ARHGAP15: variants seen among roughly 807,000 people sequenced by gnomAD.
The protein encoded by ARHGAP15 is Rho GTPase activating protein 15, also known as rho GTPase-activating protein 15.
In ARHGAP15, 51 loss-of-function variants were observed where a neutral mutation model predicts 63.7. That is an observed-to-expected ratio of 0.80 (90% CI 0.64 to 1.01). The LOEUF (loss-of-function observed/expected upper bound fraction) is 1.01. Ranked by LOEUF, ARHGAP15 falls within the 50% of genes least tolerant of loss-of-function variation. ARHGAP15 has a pLI of 0.00. For synonymous variants in ARHGAP15, 191 were observed against 193.8 expected (o/e 0.99, Z 0.12); for missense variants, 560 against 564.6 (o/e 0.99, Z 0.08).
At chr2:143,673,610 A>G (rs1465994465) in intron 12 of ARHGAP15, among the ~76,000 whole-genome samples, 3 of 150,890 alleles carry the variant, frequency 2.0e-5, no homozygotes, top group Non-Finnish European at 3.0e-5. Context: ...CCACAATCTT[A>G]ATGTAAAAAT....
chr2:143,172,573 A>G (rs1047060498), intron 2 of ARHGAP15, among the ~76,000 whole-genome samples: 2 of 152,086 alleles, frequency 1.3e-5, no homozygotes, highest in Admixed American at 1.3e-4. Context: ...ATTAAAGGAC[A>G]TTGTCAATAT....
intron 11 of ARHGAP15, among the ~76,000 whole-genome samples, chr2:143,573,761 G>A (rs1365253098): frequency 1.3e-5 from 2 of 152,092 alleles, no homozygotes; most frequent in African/African-American, 4.8e-5. Flanking sequence ...AGTATACCTA[G>A]TATAGTGGGT....
intron 6 of ARHGAP15, among the ~76,000 whole-genome samples, chr2:143,349,905 G>C (rs1372489937): frequency 6.6e-6 from 1 of 152,074 alleles, no homozygotes; most frequent in Non-Finnish European, 1.5e-5. Flanking sequence ...TGGATGATAA[G>C]ATATTAAGAT....
chr2:143,369,260 T>C (rs149616593), intron 6 of ARHGAP15, among the ~76,000 whole-genome samples: 18 of 152,282 alleles, frequency 1.2e-4, no homozygotes, highest in African/African-American at 4.3e-4. Context: ...CTTCAAATAG[T>C]ATTCACTGAT....
At chr2:143,414,255 G>A (rs143974646) in intron 6 of ARHGAP15, among the ~76,000 whole-genome samples, 38 of 151,816 alleles carry the variant, frequency 2.5e-4, no homozygotes, top group African/African-American at 8.7e-4. Context: ...AAATGAAGCA[G>A]ATTTGATCAA....
intron 6 of ARHGAP15, among the ~76,000 whole-genome samples, chr2:143,414,128 T>A (rs183526451): frequency 2.0e-5 from 3 of 151,326 alleles, no homozygotes; most frequent in African/African-American, 7.2e-5. Context: ...ATATGTATAC[T>A]TATATATGTA....
chr2:143,644,986 G>A (rs1470410792), intron 12 of ARHGAP15, among the ~76,000 whole-genome samples: 2 of 152,012 alleles, frequency 1.3e-5, no homozygotes, highest in Non-Finnish European at 2.9e-5. Context: ...ATATAATTGC[G>A]ACACCACTTC....
chr2:143,739,577 G>A (rs1198962060), intron 13 of ARHGAP15, among the ~76,000 whole-genome samples: 1 of 152,070 alleles, frequency 6.6e-6, no homozygotes, highest in Non-Finnish European at 1.5e-5. Context: ...TAGAACCCCA[G>A]TATCTTTCAG....
At chr2:143,673,252 T>G in intron 12 of ARHGAP15, among the ~76,000 whole-genome samples, 1 of 152,160 alleles carries the variant, frequency 6.6e-6, no homozygotes, top group East Asian at 1.9e-4. Context: ...AGACTACCTT[T>G]GAGACCTAAG....
At chr2:143,681,807 G>A (rs1683110787) in intron 12 of ARHGAP15, among the ~76,000 whole-genome samples, 1 of 152,172 alleles carries the variant, frequency 6.6e-6, no homozygotes, top group African/African-American at 2.4e-5. Flanking sequence ...CTCTAAGCAA[G>A]CAATTTGAGA....
At chr2:143,248,242 A>C (rs1446781999) in intron 5 of ARHGAP15, among the ~76,000 whole-genome samples, 3 of 152,176 alleles carry the variant, frequency 2.0e-5, no homozygotes, top group Non-Finnish European at 4.4e-5. Flanking sequence ...ACAAGGTGAC[A>C]TTTAACTGGG....
chr2:143,732,377 T>C (rs1685574143), intron 13 of ARHGAP15, among the ~76,000 whole-genome samples: 1 of 152,238 alleles, frequency 6.6e-6, no homozygotes, highest in South Asian at 2.1e-4. Context: ...ATTGTCTTAG[T>C]CATTTTAAGT....
chr2:143,160,308 C>G (rs534697230), intron 2 of ARHGAP15, among the ~76,000 whole-genome samples: 14 of 151,926 alleles, frequency 9.2e-5, no homozygotes, highest in East Asian at 1.9e-4. Context: ...TCTCTCTTAT[C>G]TCATCAATGT....
intron 5 of ARHGAP15, among the ~76,000 whole-genome samples, chr2:143,250,304 A>C (rs1680088507): frequency 6.6e-6 from 1 of 152,092 alleles, no homozygotes; most frequent in African/African-American, 2.4e-5. Flanking sequence ...TTAATTAAAT[A>C]ATTTTAAAAA....
rs547751193 is a variant in ARHGAP15, at chr2:143,373,491, G to A, written c.475-62110G>A. Among the ~76,000 whole-genome samples, 4 of 151,996 alleles carry A rather than the reference G, an allele frequency of 2.6e-5. No individual in the cohort carries two copies. In the East Asian group the frequency reaches 7.7e-4, roughly 29 times the overall value. The stretch of plus-strand genomic sequence containing the variant: ...TAAAAATACAAAAAATTAGCTGGGA[G>A]TGGTGGAGGGTGCCTGTAGTCCCAG... On this transcript the variant is annotated intron_variant, in intron 6 of 13. Coordinates refer to ENST00000295095, the MANE Select transcript of ARHGAP15 (RefSeq NM_018460.4).
Position 143,694,852 on chromosome 2 carries a change from A to G in ARHGAP15, c.1139-8567A>G, listed in dbSNP as rs989901532. On this transcript the variant is annotated intron_variant, in intron 12 of 13. Coordinates refer to ENST00000295095, the MANE Select transcript of ARHGAP15 (RefSeq NM_018460.4). ...AAAGTTTAATATGCCTTCTTCAAAAACAATATTTTTAACCCAAAGACAGGA... is the reference window on the plus strand; with the variant it reads ...AAAGTTTAATATGCCTTCTTCAAAAGCAATATTTTTAACCCAAAGACAGGA... Among the ~76,000 whole-genome samples, 6 of 152,208 alleles carry G rather than the reference A, an allele frequency of 3.9e-5. 1 individual carries two copies. Among genetic ancestry groups the G allele is most frequent in the Admixed American group, 3.3e-4 (5 of 15,262 alleles).
chr2:143,348,326 C>T lies in ARHGAP15; in HGVS notation c.475-87275C>T, dbSNP rs149763931. On this transcript the variant is annotated intron_variant, in intron 6 of 13. Coordinates refer to ENST00000295095, the MANE Select transcript of ARHGAP15 (RefSeq NM_018460.4). ...TAAATTCTGACAGTCATCAAATGTG[C>T]GCTATTTCTCTGAAATAATGTTCTA... is the stretch of plus-strand genomic sequence containing the variant. Among the ~76,000 whole-genome samples, 46 of 152,150 alleles carry T rather than the reference C, an allele frequency of 3.0e-4. No individual in the cohort carries two copies. The East Asian group carries it at 8.5e-3, about 28-fold the overall frequency.
chr2:143,234,641 C>T (rs1693571055), intron 5 of ARHGAP15, among the ~76,000 whole-genome samples: 1 of 152,178 alleles, frequency 6.6e-6, no homozygotes, highest in Admixed American at 6.5e-5. Context: ...TTACATTGCT[C>T]ATCTACCAAA....
Position 143,379,239 on chromosome 2 carries a change from CCATCCAAG to C in ARHGAP15, c.475-56350_475-56343del, listed in dbSNP as rs911590430. On this transcript the variant is annotated intron_variant, in intron 6 of 13. Transcript: ENST00000295095. ...GTCTGTGCACCACATGAGTAAATCA[CCATCCAAG>C]CATCCAAGCATAAATTTGCCTGTTG... Among the ~76,000 whole-genome samples the C allele has an allele frequency of 1.4e-4, 21 of 152,068 alleles. No homozygotes were observed. The South Asian group carries it at 3.7e-3, about 27-fold the overall frequency.
Sources: gnomAD v4.1 joint callset for allele counts (sites outside exome capture counted in the v4.1 genomes callset) on GRCh38, gnomAD v4.1.1 for gene constraint, MANE v1.5 for transcripts, NCBI Gene and HGNC (gene_info 2026-07-23, HGNC 2026-07-21) for gene names.